ZNF484: variants seen among roughly 807,000 people sequenced by gnomAD.
The protein encoded by ZNF484 is KRAB box containing C2H2 type zinc finger bA526D8.4.
ZNF484 carries 11 observed loss-of-function variants against 12.9 expected under a neutral mutation model. That is an observed-to-expected ratio of 0.85 (90% CI 0.54 to 1.41). The LOEUF is 1.41. Ranked by LOEUF, ZNF484 falls within the 40% of genes most tolerant of loss-of-function variation. ZNF484 has a pLI of 0.00. For missense variants in ZNF484, 807 were observed against 1,007.7 expected (o/e 0.80, Z 2.70); for synonymous variants, 289 against 334.1 (o/e 0.86, Z 1.47).
In ZNF484 at chr9:92,846,976, C is replaced by T. The variant is rs1855662321; in HGVS notation, c.1811G>A (p.Gly604Glu). 1 of 1,614,114 alleles carries T rather than the reference C, an allele frequency of 6.2e-7. No homozygotes were observed. The highest frequency in any genetic ancestry group is 8.5e-7 in the Non-Finnish European group (1 of 1,180,012). ...HFITHERIHTGEKPYECSICG... is the reference protein window; with the variant it reads ...HFITHERIHTEEKPYECSICG... ...AATACTGCATTCATAGGGTTTCTCT[C>T]CAGTATGAATTCTCTCATGTGTAAT... The change falls in exon 5 of 5, where the codon GGA becomes GAA. Residue 604 changes from glycine to glutamate, a missense_variant. Physicochemically the swap from Gly to Glu is moderately conservative, Grantham distance 98. Transcript: ENST00000375495.
rs377558510 is a variant in ZNF484, at chr9:92,847,695, G to A, written c.1092C>T (p.Asn364=). ...TATTAAGGTTTGAATTCTGAGGGAG[G>A]TTTTTCTCACATTCACTGTACTCAT... The part of the protein sequence containing the change: ...KPYEYSECEK[N]LPQNSNLNIH... The change falls in exon 5 of 5, where the codon AAC becomes AAT. Residue 364 remains asparagine (N), a synonymous_variant. Coordinates refer to ENST00000375495, the MANE Select transcript of ZNF484 (RefSeq NM_031486.4). 6.2e-7 allele frequency: 1 copy of A among 1,613,228 alleles called. No homozygotes were observed. Among genetic ancestry groups the A allele is most frequent in the African/African-American group, 1.3e-5 (1 of 74,834 alleles).
chr9:92,874,868 G>T, intron 2 of ZNF484, 147 bp downstream of exon 2: 1 of 743,316 alleles, frequency 1.3e-6, no homozygotes, highest in South Asian at 2.1e-5. Context: ...TTGACTTGGG[G>T]CTGACAGTCT....
At position 92,844,548 on chromosome 9, in the gene ZNF484, T is replaced by C. The variant is rs1564092751; in HGVS notation, c.*1680A>G. 6.6e-6 allele frequency among the ~76,000 whole-genome samples: 1 copy of C among 151,864 alleles called. No homozygotes were observed. Among genetic ancestry groups the C allele is most frequent in the Non-Finnish European group, 1.5e-5 (1 of 67,956 alleles). On this transcript the variant is annotated 3_prime_UTR_variant, in exon 5 of 5. Coordinates refer to ENST00000375495, the MANE Select transcript of ZNF484 (RefSeq NM_031486.4). The stretch of plus-strand genomic sequence containing the variant: ...GCAACAGTTAAAAAACAAAGACAAA[T>C]AGATAAATTTCAAAGGAGACAGAAA...
intron 2 of ZNF484, among the ~76,000 whole-genome samples, chr9:92,860,320 A>AGGC (rs1400325508): frequency 6.6e-6 from 1 of 152,260 alleles, no homozygotes; most frequent in East Asian, 1.9e-4. Flanking sequence ...AATATACTTG[A>AGGC]GGCCAGGCGC....
rs751504476 is a variant in ZNF484 at position 92,855,845 on chromosome 9, C to G, written c.201G>C (p.Met67Ile). The G allele has an allele frequency of 2.5e-6, 4 of 1,614,178 alleles. No homozygotes were observed. In the South Asian group the frequency reaches 3.3e-5, roughly 13 times the overall value. ...IFSLEQEEPC[M>I]LDGEIPSQSR... ...TCTGACTGGGGATCTCACCATCCAACATACATGGCTCTTCTTGTTCCAAGC... is the reference window on the plus strand; with the variant it reads ...TCTGACTGGGGATCTCACCATCCAAGATACATGGCTCTTCTTGTTCCAAGC... The change falls in exon 4 of 5, where the codon ATG becomes ATC. Residue 67 changes from methionine to isoleucine, a missense_variant. By Grantham distance (10) the Met-to-Ile change is conservative (BLOSUM62 1). Coordinates refer to ENST00000375495, the MANE Select transcript of ZNF484 (RefSeq NM_031486.4).
At chr9:92,873,691 C>T (rs1857599136) in intron 2 of ZNF484, among the ~76,000 whole-genome samples, 1 of 152,218 alleles carries the variant, frequency 6.6e-6, no homozygotes, top group Admixed American at 6.5e-5. Context: ...ATTTCCCTGA[C>T]ACAAAAACTG....
Position 92,856,469 on chromosome 9 carries a change from ACTT to A in ZNF484, c.16-154_16-152del, listed in dbSNP as rs1222618735. The A allele has an allele frequency of 3.5e-5, 18 of 519,640 alleles. No homozygotes were observed. The Admixed American group carries it at 6.7e-4, about 19-fold the overall frequency. The allele number at this position is 519,640 out of a possible 1,614,324, so 32.2% of individuals were successfully genotyped here. Reference sequence around the variant, plus strand: ...AATGTGATACAATATACTATAAAGAACTTCTACAATTCAACGACAACGAACAAA... The same window carrying A: ...AATGTGATACAATATACTATAAAGAACTACAATTCAACGACAACGAACAAA... On this transcript the variant is annotated intron_variant, in intron 2 of 4. Coordinates refer to ENST00000375495, the MANE Select transcript of ZNF484 (RefSeq NM_031486.4).
chr9:92,856,256 G>T lies in ZNF484; in HGVS notation c.78C>A (p.Asp26Glu). 1 of 1,613,156 alleles carries T rather than the reference G, an allele frequency of 6.2e-7. No homozygotes were observed. Among genetic ancestry groups the T allele is most frequent in the African/African-American group, 1.3e-5 (1 of 74,718 alleles). ...CTCTGTACAGGCTTTTCTGAGCAAG[G>T]TCTAATTGTTGCCACTCATCCCTAC... ...DFSRDEWQQL[D>E]LAQKSLYREV... Residue 26 changes from aspartate (D) to glutamate (E), a missense_variant, in exon 3 of 5, where the codon GAC (aspartate) becomes GAA (glutamate). By Grantham distance (45) the Asp-to-Glu change is conservative (BLOSUM62 2). Coordinates refer to ENST00000375495, the MANE Select transcript of ZNF484 (RefSeq NM_031486.4).
At position 92,846,750 on chromosome 9, in the gene ZNF484, G is replaced by C; in HGVS notation, c.2037C>G (p.Leu679=). ...CAGTATGGGATTGCTGATGTATATG[G>C]AGACCTGACTTCCTAGTGAAGGCTT... ...CGKAFTRKSG[L]HIHQQSHTGE... The change falls in exon 5 of 5, where the codon CTC becomes CTG. Residue 679 remains leucine (L), a synonymous_variant. Coordinates refer to ENST00000375495, the MANE Select transcript of ZNF484 (RefSeq NM_031486.4). 6.2e-7 allele frequency: 1 copy of C among 1,613,882 alleles called. No individual in the cohort carries two copies. The highest frequency in any genetic ancestry group is 1.3e-5 in the African/African-American group (1 of 74,980).
chr9:92,849,613 C>T (rs1365894956), intron 4 of ZNF484, among the ~76,000 whole-genome samples: 1 of 151,914 alleles, frequency 6.6e-6, no homozygotes, highest in African/African-American at 2.4e-5. Context: ...TAGTGAGACC[C>T]CCATCTCTAC....
chr9:92,868,199 A>C (rs1019562539), intron 2 of ZNF484, among the ~76,000 whole-genome samples: 5 of 152,202 alleles, frequency 3.3e-5, no homozygotes, highest in Admixed American at 3.3e-4. Flanking sequence ...GACTCAAGAG[A>C]TCTAACATTT....
chr9:92,875,342 A>G (rs1399404377), intron 1 of ZNF484, among the ~76,000 whole-genome samples: 3 of 152,214 alleles, frequency 2.0e-5, no homozygotes, highest in Admixed American at 2.0e-4. Context: ...CTGTTCTATT[A>G]CGTTATTATA....
Position 92,848,291 on chromosome 9 carries a change from T to A in ZNF484, c.496A>T (p.Thr166Ser). The A allele has an allele frequency of 6.2e-7, 1 of 1,614,200 alleles. No individual in the cohort carries two copies. Among genetic ancestry groups the A allele is most frequent in the Non-Finnish European group, 8.5e-7 (1 of 1,180,034 alleles). Residue 166 changes from threonine (T) to serine (S), a missense_variant, in exon 5 of 5, where the codon ACA becomes TCA. Transcript: ENST00000375495. This position sits in a 1 kb window ranked among gnomAD's most constrained non-coding sequence, Gnocchi z 4.1. ...KDIGEIVHVN[T>S]HLVSSRKRPH... Reference sequence around the variant, plus strand: ...CTTTTTCTTGAGGAAACCAGGTGTGTGTTTACATGAACTATTTCCCCAATG... The same window carrying A: ...CTTTTTCTTGAGGAAACCAGGTGTGAGTTTACATGAACTATTTCCCCAATG...
intron 2 of ZNF484, among the ~76,000 whole-genome samples, chr9:92,871,854 A>T (rs1380078141): frequency 6.6e-6 from 1 of 152,226 alleles, no homozygotes; most frequent in Admixed American, 6.5e-5. Flanking sequence ...TAGGTGGCTA[A>T]ATCGGCTGTC....
intron 4 of ZNF484, among the ~76,000 whole-genome samples, chr9:92,851,653 A>C (rs930186215): frequency 3.9e-5 from 6 of 152,250 alleles, no homozygotes; most frequent in Non-Finnish European, 5.9e-5. Context: ...ATGGCCATCG[A>C]AAAGGGACTA....
chr9:92,867,552 A>AT, intron 2 of ZNF484, among the ~76,000 whole-genome samples: 1 of 152,242 alleles, frequency 6.6e-6, no homozygotes, highest in Non-Finnish European at 1.5e-5. Flanking sequence ...TAGATGCAGC[A>AT]AACCACCATG....
intron 2 of ZNF484, among the ~76,000 whole-genome samples, chr9:92,872,447 G>A (rs1587770506): frequency 1.2e-5 from 1 of 83,976 alleles, no homozygotes; most frequent in Non-Finnish European, 2.1e-5. Flanking sequence ...CCGAGATCGC[G>A]CCATTGCACT....
chr9:92,846,484 C>G lies in ZNF484; in HGVS notation c.2303G>C (p.Arg768Pro), dbSNP rs144260918. 8.7e-6 allele frequency: 14 copies of G among 1,612,252 alleles called. No homozygotes were observed. In the African/African-American group the frequency reaches 1.3e-4, roughly 15 times the overall value. The part of the protein sequence containing the change: ...IKKSQLHEHH[R>P]IHTGEKPYIC... ...ATATGGTTTCTCTCCTGTGTGAATTCGATGATGCTCATGGAGTTGTGATTT... is the reference window on the plus strand; with the variant it reads ...ATATGGTTTCTCTCCTGTGTGAATTGGATGATGCTCATGGAGTTGTGATTT... The change falls in exon 5 of 5, where the codon CGA (arginine) becomes CCA (proline). Residue 768 changes from arginine to proline, a missense_variant. Transcript: ENST00000375495.
At position 92,846,760 on chromosome 9, in the gene ZNF484, T is replaced by C. The variant is rs1441752662; in HGVS notation, c.2027A>G (p.Lys676Arg). Residue 676 changes from lysine to arginine, a missense_variant, in exon 5 of 5, where the codon AAG (lysine) becomes AGG (arginine). Physicochemically the swap from Lys to Arg is conservative, Grantham distance 26. Coordinates refer to ENST00000375495, the MANE Select transcript of ZNF484 (RefSeq NM_031486.4). ...CSDCGKAFTR[K>R]SGLHIHQQSH... is the part of the protein sequence containing the mutation. Reference sequence around the variant, plus strand: ...TTGCTGATGTATATGGAGACCTGACTTCCTAGTGAAGGCTTTCCCACAGTC... The same window carrying C: ...TTGCTGATGTATATGGAGACCTGACCTCCTAGTGAAGGCTTTCCCACAGTC... 9 of 1,614,056 alleles carry C rather than the reference T, an allele frequency of 5.6e-6. No individual in the cohort carries two copies.
Sources: allele counts gnomAD v4.1 joint callset (sites outside exome capture counted in the v4.1 genomes callset), GRCh38; gene constraint gnomAD v4.1.1; non-coding constraint Gnocchi (gnomAD v3.1); transcripts MANE v1.5; gene names NCBI Gene and HGNC (gene_info 2026-07-23, HGNC 2026-07-21).